NPBWR1: variants seen among roughly 807,000 people sequenced by gnomAD.
NPBWR1 encodes neuropeptides B/W receptor type 1.
Under a neutral mutation model 2.8 loss-of-function variants are expected in NPBWR1, and 4 were observed. The ratio of observed to expected loss-of-function variants is 1.44; its 90% CI spans 0.71 to 3.29. NPBWR1 has a LOEUF of 3.29. Among genes scored for constraint, NPBWR1 ranks in the 30% most tolerant of loss-of-function variants. The probability of loss-of-function intolerance (pLI) is 0.01; values close to 1 mark genes in which losing one functional copy is unlikely to be tolerated. For synonymous variants in NPBWR1, 250 were observed against 224.5 expected (o/e 1.11, Z -1.02); for missense variants, 545 against 462.5 (o/e 1.18, Z -1.64).
In NPBWR1 at chr8:52,940,930, T is replaced by TC. The variant is rs1354768940; in HGVS notation, c.*38dup. 8 of 1,559,374 alleles carry TC rather than the reference T, an allele frequency of 5.1e-6. No homozygotes were observed. The African/African-American group carries it at 1.1e-4, about 21-fold the overall frequency. On this transcript the variant is annotated 3_prime_UTR_variant, in exon 2 of 2. Transcript: ENST00000674939. ...GTCCGGCTCCGCAACTGCCCGCCAC[T>TC]CCTGGCCAGCGAGGGAGGAGCCGGC...
chr8:52,940,512 C>T lies in NPBWR1; in HGVS notation c.605C>T (p.Ala202Val). Residue 202 changes from alanine to valine, a missense_variant, in exon 2 of 2, where the codon GCG (alanine) becomes GTG (valine). Physicochemically the swap from Ala to Val is moderately conservative, Grantham distance 64. Coordinates refer to ENST00000674939, the MANE Select transcript of NPBWR1 (RefSeq NM_005285.5). ...CAGCCCGAGGCCTTCTGGTGGCGCG[C>T]GAGCCGCCTCTACACGCTCGTGCTG... ...FPQPEAFWWRASRLYTLVLGF... is the reference protein window; with the variant it reads ...FPQPEAFWWRVSRLYTLVLGF... The T allele has an allele frequency of 6.3e-7, 1 of 1,583,940 alleles. No individual in the cohort carries two copies.
At position 52,940,820 on chromosome 8, in the gene NPBWR1, T is replaced by C. The variant is rs1264813257; in HGVS notation, c.913T>C (p.Phe305Leu). 3.7e-6 allele frequency: 6 copies of C among 1,613,858 alleles called. No homozygotes were observed. The highest frequency in any genetic ancestry group is 1.7e-5 in the Admixed American group (1 of 59,996). Residue 305 changes from phenylalanine (F) to leucine (L), a missense_variant, in exon 2 of 2, where the codon TTC becomes CTC. Phe to Leu is a conservative substitution (Grantham distance 22). Transcript: ENST00000674939. The stretch of plus-strand genomic sequence containing the variant: ...CTACGCCAACAGCTGCCTCAACCCC[T>C]TCCTCTACGCCTTCCTGGACGCCAG... Reference protein sequence around the residue: ...LSYANSCLNPFLYAFLDASFR... With the variant: ...LSYANSCLNPLLYAFLDASFR...
chr8:52,940,205 C>A lies in NPBWR1; in HGVS notation c.298C>A (p.Arg100=). The A allele has an allele frequency of 1.9e-6, 3 of 1,613,764 alleles. No individual in the cohort carries two copies. Among genetic ancestry groups the A allele is most frequent in the Non-Finnish European group, 1.7e-6 (2 of 1,179,976 alleles). ...CATCAACATCGCCGACTTCCTGCTG[C>A]GGCAGTGGCCCTTCGGGGAGCTCAT... ...LPINIADFLL[R]QWPFGELMCK... Residue 100 remains arginine, a synonymous_variant, in exon 2 of 2, where the codon CGG becomes AGG. Coordinates refer to ENST00000674939, the MANE Select transcript of NPBWR1 (RefSeq NM_005285.5).
chr8:52,940,528 G>T lies in NPBWR1; in HGVS notation c.621G>T (p.Thr207=). The T allele has an allele frequency of 5.0e-6, 8 of 1,593,980 alleles. No individual in the cohort carries two copies. Among genetic ancestry groups the T allele is most frequent in the Non-Finnish European group, 6.8e-6 (8 of 1,173,700 alleles). The change falls in exon 2 of 2, where the codon ACG becomes ACT. Residue 207 remains threonine (T), a synonymous_variant. Coordinates refer to ENST00000674939, the MANE Select transcript of NPBWR1 (RefSeq NM_005285.5). ...AFWWRASRLY[T]LVLGFAIPVS... The stretch of plus-strand genomic sequence containing the variant: ...GGTGGCGCGCGAGCCGCCTCTACAC[G>T]CTCGTGCTGGGCTTCGCCATCCCCG...
rs748032776 is a variant in NPBWR1, at chr8:52,940,391, G to A, written c.484G>A (p.Val162Met). ...CGCCGCGCGCGCGGTGAGCCTGGCC[G>A]TGTGGGGGATCGTCACACTCGTCGT... is the stretch of plus-strand genomic sequence containing the variant. ...YSAARAVSLAVWGIVTLVVLP... is the reference protein window; with the variant it reads ...YSAARAVSLAMWGIVTLVVLP... The change falls in exon 2 of 2, where the codon GTG (valine) becomes ATG (methionine). Residue 162 changes from valine to methionine, a missense_variant. Coordinates refer to ENST00000674939, the MANE Select transcript of NPBWR1 (RefSeq NM_005285.5). 4 of 1,602,846 alleles carry A rather than the reference G, an allele frequency of 2.5e-6. No individual in the cohort carries two copies. The highest frequency in any genetic ancestry group is 2.2e-5 in the South Asian group (2 of 90,780).
At position 52,941,274 on chromosome 8, in the gene NPBWR1, C is replaced by T. The variant is rs981529335; in HGVS notation, c.*380C>T. 3.3e-5 allele frequency among the ~76,000 whole-genome samples: 5 copies of T among 152,278 alleles called. No individual in the cohort carries two copies. Among genetic ancestry groups the T allele is most frequent in the Admixed American group, 3.3e-4 (5 of 15,308 alleles). ...CTGGAACCTGGCTGGAGTCGGAACTCTCCGCGCCTTCGAAGGGAGGCCCGA... is the reference window on the plus strand; with the variant it reads ...CTGGAACCTGGCTGGAGTCGGAACTTTCCGCGCCTTCGAAGGGAGGCCCGA... On this transcript the variant is annotated 3_prime_UTR_variant, in exon 2 of 2. Coordinates refer to ENST00000674939, the MANE Select transcript of NPBWR1 (RefSeq NM_005285.5).
chr8:52,940,951 C>G lies in NPBWR1; in HGVS notation c.*57C>G. On this transcript the variant is annotated 3_prime_UTR_variant, in exon 2 of 2. Transcript: ENST00000674939. ...CCACTCCTGGCCAGCGAGGGAGGAG[C>G]CGGCGCCAGAGTGCGGGACCAGACA... 2.0e-6 allele frequency: 3 copies of G among 1,535,038 alleles called. 1 individual carries two copies. Among genetic ancestry groups the G allele is most frequent in the South Asian group, 2.5e-5 (2 of 79,496 alleles).
Position 52,940,529 on chromosome 8 carries a change from C to A in NPBWR1, c.622C>A (p.Leu208Ile). 6.3e-7 allele frequency: 1 copy of A among 1,594,680 alleles called. No homozygotes were observed. The highest frequency in any genetic ancestry group is 2.3e-5 in the East Asian group (1 of 43,868). ...FWWRASRLYT[L>I]VLGFAIPVST... ...GTGGCGCGCGAGCCGCCTCTACACG[C>A]TCGTGCTGGGCTTCGCCATCCCCGT... is the stretch of plus-strand genomic sequence containing the variant. The change falls in exon 2 of 2, where the codon CTC becomes ATC. Residue 208 changes from leucine (L) to isoleucine (I), a missense_variant. Transcript: ENST00000674939.
At position 52,942,403 on chromosome 8, in the gene NPBWR1, G is replaced by T. The variant is rs1802897020; in HGVS notation, c.*1509G>T. On this transcript the variant is annotated 3_prime_UTR_variant, in exon 2 of 2. Coordinates refer to ENST00000674939, the MANE Select transcript of NPBWR1 (RefSeq NM_005285.5). Reference sequence around the variant, plus strand: ...CTGCAGTTTAGCCTTAGACATGAGGGCCGAACCCTAAGCAAAGTCTGGTAA... The same window carrying T: ...CTGCAGTTTAGCCTTAGACATGAGGTCCGAACCCTAAGCAAAGTCTGGTAA... 6.6e-6 allele frequency among the ~76,000 whole-genome samples: 1 copy of T among 152,212 alleles called. No homozygotes were observed. Among genetic ancestry groups the T allele is most frequent in the Non-Finnish European group, 1.5e-5 (1 of 68,038 alleles).
In NPBWR1 at chr8:52,939,737, C is replaced by G; in HGVS notation, c.-171C>G. 2 of 673,286 alleles carry G rather than the reference C, an allele frequency of 3.0e-6. No individual in the cohort carries two copies. The highest frequency in any genetic ancestry group is 4.7e-6 in the Non-Finnish European group (2 of 422,048). 41.7% of individuals were successfully genotyped at this position (673,286 alleles called of 1,614,324 possible). ...CCCGTGAGTCCGCGGCGACATTGGG[C>G]CGTGGGGTGGCTGGGAACGGTCCCC... On this transcript the variant is annotated 5_prime_UTR_variant, in exon 2 of 2. Transcript: ENST00000674939.
At position 52,940,414 on chromosome 8, in the gene NPBWR1, C is replaced by T. The variant is rs1860174076; in HGVS notation, c.507C>T (p.Val169=). The T allele has an allele frequency of 3.7e-6, 6 of 1,600,852 alleles. No individual in the cohort carries two copies. The highest frequency in any genetic ancestry group is 5.1e-6 in the Non-Finnish European group (6 of 1,178,510). ...SLAVWGIVTL[V]VLPFAVFARL... is the part of the protein sequence containing the mutation. ...CCGTGTGGGGGATCGTCACACTCGT[C>T]GTGCTGCCCTTCGCAGTCTTCGCCC... Residue 169 remains valine, a synonymous_variant, in exon 2 of 2, where the codon GTC becomes GTT. Coordinates refer to ENST00000674939, the MANE Select transcript of NPBWR1 (RefSeq NM_005285.5).
At position 52,941,093 on chromosome 8, in the gene NPBWR1, C is replaced by T. The variant is rs937588979; in HGVS notation, c.*199C>T. On this transcript the variant is annotated 3_prime_UTR_variant, in exon 2 of 2. Coordinates refer to ENST00000674939, the MANE Select transcript of NPBWR1 (RefSeq NM_005285.5). Reference sequence around the variant, plus strand: ...GCCAAGCCCTCCAGGTGATGCGCGGCCATGCCGGGTGAGGAGAACTGAGGC... The same window carrying T: ...GCCAAGCCCTCCAGGTGATGCGCGGTCATGCCGGGTGAGGAGAACTGAGGC... The T allele has an allele frequency of 3.3e-5, 23 of 692,020 alleles. No homozygotes were observed. The African/African-American group carries it at 3.8e-4, about 11-fold the overall frequency. 42.9% of individuals were successfully genotyped at this position (692,020 alleles called of 1,614,324 possible).
At position 52,940,795 on chromosome 8, in the gene NPBWR1, C is replaced by T. The variant is rs1382953177; in HGVS notation, c.888C>T (p.Ser296=). 5.6e-6 allele frequency: 9 copies of T among 1,614,138 alleles called. No individual in the cohort carries two copies. Among genetic ancestry groups the T allele is most frequent in the Non-Finnish European group, 6.8e-6 (8 of 1,180,016 alleles). ...TCTCCTACTTCATCACCAGCCTGAGCTACGCCAACAGCTGCCTCAACCCCT... is the reference window on the plus strand; with the variant it reads ...TCTCCTACTTCATCACCAGCCTGAGTTACGCCAACAGCTGCCTCAACCCCT... ...IAISYFITSL[S]YANSCLNPFL... Residue 296 remains serine (S), a synonymous_variant, in exon 2 of 2, where the codon AGC becomes AGT. Coordinates refer to ENST00000674939, the MANE Select transcript of NPBWR1 (RefSeq NM_005285.5).
chr8:52,941,049 G>C lies in NPBWR1; in HGVS notation c.*155G>C. The C allele has an allele frequency of 1.9e-6, 2 of 1,043,430 alleles. No homozygotes were observed. Among genetic ancestry groups the C allele is most frequent in the Non-Finnish European group, 2.7e-6 (2 of 744,062 alleles). The allele number at this position is 1,043,430 out of a possible 1,614,324, so 64.6% of individuals were successfully genotyped here. A position where few individuals can be genotyped will look rare whatever the true frequency, so the allele number is the denominator to read the frequency against. ...CTAGCAGATCGGAAGCGCTGCGACT[G>C]TGCCCGCAGGTTGACCTTGCCAAGC... On this transcript the variant is annotated 3_prime_UTR_variant, in exon 2 of 2. Coordinates refer to ENST00000674939, the MANE Select transcript of NPBWR1 (RefSeq NM_005285.5).
At position 52,940,579 on chromosome 8, in the gene NPBWR1, C is replaced by T; in HGVS notation, c.672C>T (p.Thr224=). 6.2e-7 allele frequency: 1 copy of T among 1,601,266 alleles called. No individual in the cohort carries two copies. Among genetic ancestry groups the T allele is most frequent in the Non-Finnish European group, 8.5e-7 (1 of 1,175,816 alleles). Residue 224 remains threonine (T), a synonymous_variant, in exon 2 of 2, where the codon ACC becomes ACT. Transcript: ENST00000674939. ...IPVSTICVLY[T]TLLCRLHAMR... is the part of the protein sequence containing the mutation. ...TGTCCACCATCTGTGTCCTCTATAC[C>T]ACCCTGCTGTGCCGGCTGCATGCCA...
rs1802898473 is a variant in NPBWR1, at chr8:52,942,502, T to A, written c.*1608T>A. On this transcript the variant is annotated 3_prime_UTR_variant, in exon 2 of 2. Coordinates refer to ENST00000674939, the MANE Select transcript of NPBWR1 (RefSeq NM_005285.5). The stretch of plus-strand genomic sequence containing the variant: ...CAGGATGAAAATTTCTACAAATGTT[T>A]GTTTCCTATGTCATGTGTGAGAAAA... Among the ~76,000 whole-genome samples the A allele has an allele frequency of 2.6e-5, 4 of 152,258 alleles. No individual in the cohort carries two copies. In the South Asian group the frequency reaches 8.3e-4, roughly 31 times the overall value.
At position 52,940,848 on chromosome 8, in the gene NPBWR1, T is replaced by G. The variant is rs751491660; in HGVS notation, c.941T>G (p.Phe314Cys). 1.2e-6 allele frequency: 2 copies of G among 1,612,936 alleles called. No individual in the cohort carries two copies. The highest frequency in any genetic ancestry group is 1.7e-6 in the Non-Finnish European group (2 of 1,179,552). The change falls in exon 2 of 2, where the codon TTC becomes TGC. Residue 314 changes from phenylalanine (F) to cysteine (C), a missense_variant. By Grantham distance (205) the Phe-to-Cys change is radical. Transcript: ENST00000674939. ...PFLYAFLDAS[F>C]RRNLRQLITC... ...CTCTACGCCTTCCTGGACGCCAGCT[T>G]CCGCAGGAACCTCCGCCAGCTGATA... is the stretch of plus-strand genomic sequence containing the variant.
Position 52,940,664 on chromosome 8 carries a change from G to C in NPBWR1, c.757G>C (p.Val253Leu). ...ERAKKRVTFL[V>L]VAILAVCLLC... ...CGCCAAGAAGCGGGTGACCTTCCTG[G>C]TGGTGGCAATCCTGGCGGTGTGCCT... The change falls in exon 2 of 2, where the codon GTG becomes CTG. Residue 253 changes from valine to leucine, a missense_variant. Physicochemically the swap from Val to Leu is conservative, Grantham distance 32 (BLOSUM62 1). Transcript: ENST00000674939. 1 of 1,612,126 alleles carries C rather than the reference G, an allele frequency of 6.2e-7. No homozygotes were observed. The highest frequency in any genetic ancestry group is 8.5e-7 in the Non-Finnish European group (1 of 1,179,810).
rs1401048913 is a variant in NPBWR1 at position 52,943,071 on chromosome 8, G to A, written c.*2177G>A. 2.0e-5 allele frequency among the ~76,000 whole-genome samples: 3 copies of A among 152,254 alleles called. No individual in the cohort carries two copies. The highest frequency in any genetic ancestry group is 7.2e-5 in the African/African-American group (3 of 41,542). ...GGACAAAGAGTAAGGTGAACATTTG[G>A]CTACAAACACAGCTGGAGTGATTGT... On this transcript the variant is annotated 3_prime_UTR_variant, in exon 2 of 2. Coordinates refer to ENST00000674939, the MANE Select transcript of NPBWR1 (RefSeq NM_005285.5).
Sources: allele counts gnomAD v4.1 joint callset (sites outside exome capture counted in the v4.1 genomes callset), GRCh38; gene constraint gnomAD v4.1.1; transcripts MANE v1.5; gene names NCBI Gene and HGNC (gene_info 2026-07-23, HGNC 2026-07-21).